ARHGAP20: variants seen among roughly 807,000 people sequenced by gnomAD.
ARHGAP20 encodes Rho GTPase activating protein 20.
Under a neutral mutation model 73.7 loss-of-function variants are expected in ARHGAP20, and 34 were observed. The ratio of observed to expected loss-of-function variants is 0.46; its 90% CI spans 0.35 to 0.61. The LOEUF (loss-of-function observed/expected upper bound fraction) is 0.61, where lower values mean the gene tolerates loss of function less well. Ranked by LOEUF, ARHGAP20 falls within the 20% of genes least tolerant of loss-of-function variation. The probability of loss-of-function intolerance (pLI) is 0.00; values close to 1 mark genes in which losing one functional copy is unlikely to be tolerated. For synonymous variants in ARHGAP20, 523 were observed against 518.2 expected, an observed-to-expected ratio of 1.01 and a Z score of -0.13; for missense variants, 1,314 against 1,420.9, an observed-to-expected ratio of 0.92 and a Z score of 1.21.
At chr11:110,638,472 C>T (rs1949014355) in intron 2 of ARHGAP20, among the ~76,000 whole-genome samples, 1 of 151,834 alleles carries the variant, frequency 6.6e-6, no homozygotes, top group African/African-American at 2.4e-5. Context: ...TAGGAAGTTA[C>T]GGCAGTAGTC....
intron 2 of ARHGAP20, among the ~76,000 whole-genome samples, chr11:110,649,172 T>G (rs897932877): frequency 1.3e-5 from 2 of 151,538 alleles, no homozygotes; most frequent in Admixed American, 1.3e-4. Context: ...TTTTTATACT[T>G]ACTATTGTTT....
At chr11:110,624,626 G>GT (rs35542455) in intron 3 of ARHGAP20, among the ~76,000 whole-genome samples, 27,064 of 146,974 alleles carry the variant, frequency 0.18, 3,116 homozygotes, top group African/African-American at 0.34. Flanking sequence ...CATGTATCCT[G>GT]TTTTTTTTTT....
chr11:110,710,275 A>G (rs907527898), intron 1 of ARHGAP20, among the ~76,000 whole-genome samples: 2 of 152,352 alleles, frequency 1.3e-5, no homozygotes, highest in East Asian at 1.9e-4. Flanking sequence ...GTTAAGTTTC[A>G]TAACAAACGA....
At position 110,583,563 on chromosome 11, in the gene ARHGAP20, G is replaced by A. The variant is rs200705132; in HGVS notation, c.1590C>T (p.Asn530=). Residue 530 remains asparagine, a synonymous_variant, in exon 13 of 15, where the codon AAC becomes AAT. Transcript: ENST00000683387. ...PPASSSPELE[N]EFTKKVSLLI... ...ACTTCATTACCTTTTTTGTAAATTC[G>A]TTTTCTAGTTCTGGGCTGGAGGAAG... 1.0e-5 allele frequency: 16 copies of A among 1,595,702 alleles called. No individual in the cohort carries two copies. The highest frequency in any genetic ancestry group is 1.7e-5 in the Admixed American group (1 of 57,446).
intron 4 of ARHGAP20, among the ~76,000 whole-genome samples, chr11:110,621,042 A>G (rs1340360897): frequency 7.6e-6 from 1 of 132,060 alleles, no homozygotes; most frequent in African/African-American, 2.8e-5. Context: ...CTATTGCACT[A>G]CGGCTTGGGC....
intron 4 of ARHGAP20, among the ~76,000 whole-genome samples, chr11:110,617,189 A>AT (rs1948502648): frequency 6.6e-6 from 1 of 151,948 alleles, no homozygotes; most frequent in African/African-American, 2.4e-5. Flanking sequence ...TTCTTTCAAC[A>AT]TTATGTTTAA....
intron 2 of ARHGAP20, among the ~76,000 whole-genome samples, chr11:110,681,955 C>A (rs1950045077): frequency 6.6e-6 from 1 of 152,152 alleles, no homozygotes; most frequent in Non-Finnish European, 1.5e-5. Flanking sequence ...GCAGGTCAAT[C>A]CTCCATGGTT....
At chr11:110,708,446 C>T (rs1445214838) in intron 1 of ARHGAP20, among the ~76,000 whole-genome samples, 1 of 139,572 alleles carries the variant, frequency 7.2e-6, no homozygotes, top group Admixed American at 6.9e-5. Flanking sequence ...TGAATGTTCA[C>T]AGCAGTTTTG....
chr11:110,690,757 C>A (rs988906799), intron 1 of ARHGAP20, 128 bp from the exon 2 acceptor site: 1 of 939,050 alleles, frequency 1.1e-6, no homozygotes, highest in South Asian at 1.6e-5. Flanking sequence ...CCTACAGTTT[C>A]ATTATGGAGA....
chr11:110,653,618 T>C (rs1325188868), intron 2 of ARHGAP20, among the ~76,000 whole-genome samples: 1 of 152,174 alleles, frequency 6.6e-6, no homozygotes, highest in African/African-American at 2.4e-5. Context: ...TTTTACACTG[T>C]TGGTGGGAAT....
chr11:110,667,687 G>T (rs1427974895), intron 2 of ARHGAP20, among the ~76,000 whole-genome samples: 1 of 152,126 alleles, frequency 6.6e-6, no homozygotes, highest in Non-Finnish European at 1.5e-5. Context: ...TTCTGAAAAG[G>T]ATTCACCATT....
At chr11:110,652,556 A>T (rs1447276556) in intron 2 of ARHGAP20, among the ~76,000 whole-genome samples, 1 of 152,186 alleles carries the variant, frequency 6.6e-6, no homozygotes, top group African/African-American at 2.4e-5. Flanking sequence ...TATAAAATAA[A>T]TATGCAAAAA....
chr11:110,674,589 C>T (rs1949895031), intron 2 of ARHGAP20, among the ~76,000 whole-genome samples: 1 of 152,096 alleles, frequency 6.6e-6, no homozygotes, highest in African/African-American at 2.4e-5. Flanking sequence ...ATATATAAAA[C>T]ATAAATGAAT....
intron 6 of ARHGAP20, among the ~76,000 whole-genome samples, 178 bp from the exon 7 acceptor site, chr11:110,611,564 T>C (rs1050941374): frequency 3.3e-5 from 5 of 152,200 alleles, no homozygotes; most frequent in African/African-American, 4.8e-5. Flanking sequence ...CATTCCCTTA[T>C]AAATTATGCC....
At position 110,580,511 on chromosome 11, in the gene ARHGAP20, T is replaced by G; in HGVS notation, c.2435A>C (p.Gln812Pro). 1 of 1,614,194 alleles carries G rather than the reference T, an allele frequency of 6.2e-7. No homozygotes were observed. Among genetic ancestry groups the G allele is most frequent in the Non-Finnish European group, 8.5e-7 (1 of 1,180,036 alleles). The change falls in exon 15 of 15, where the codon CAG (glutamine) becomes CCG (proline). Residue 812 changes from glutamine to proline, a missense_variant. Physicochemically the swap from Gln to Pro is moderately conservative, Grantham distance 76. Around this residue, in one of 3 missense-constraint regions of ARHGAP20, gnomAD observed 641 missense variants for 636.9 expected, o/e 1.01. Coordinates refer to ENST00000683387, the MANE Select transcript of ARHGAP20 (RefSeq NM_001384657.1). ...AAAGGGCTGGTTCTTGGAATGATCC[T>G]GTGAGGACATAGGACTATAAGATGC... is the stretch of plus-strand genomic sequence containing the variant. The part of the protein sequence containing the change: ...SVASYSPMSS[Q>P]DHSKNQPFDV...
At chr11:110,591,891 T>A in intron 10 of ARHGAP20, 86 bp downstream of exon 10, 1 of 1,394,864 alleles carries the variant, frequency 7.2e-7, no homozygotes, top group Non-Finnish European at 9.8e-7. Context: ...TCTATAATTT[T>A]TCCATTTGGG....
intron 12 of ARHGAP20, among the ~76,000 whole-genome samples, chr11:110,585,234 A>ACAAAATATTTCACGTGTTTATATTTG (rs1220729343): frequency 6.6e-6 from 1 of 151,698 alleles, no homozygotes; most frequent in Non-Finnish European, 1.5e-5. Flanking sequence ...AACGATTTAA[A>ACAAAATATTTCACGTGTTTATATTTG]CAAAATATTT....
At chr11:110,655,946 TATTTTCTC>T (rs1949457123) in intron 2 of ARHGAP20, among the ~76,000 whole-genome samples, 1 of 152,162 alleles carries the variant, frequency 6.6e-6, no homozygotes, top group Admixed American at 6.5e-5. Flanking sequence ...TGTCCTAGTT[TATTTTCTC>T]ATACGAGACA....
intron 2 of ARHGAP20, among the ~76,000 whole-genome samples, chr11:110,680,422 T>G (rs1183661143): frequency 6.6e-6 from 1 of 152,068 alleles, no homozygotes; most frequent in Non-Finnish European, 1.5e-5. Context: ...ATGCCAAAAC[T>G]CTGAGAAATC....
Sources: gnomAD v4.1 joint callset for allele counts (sites outside exome capture counted in the v4.1 genomes callset) on GRCh38, gnomAD v4.1.1 for gene constraint, gnomAD v4.1.1 regional missense constraint, MANE v1.5 for transcripts, NCBI Gene and HGNC (gene_info 2026-07-23, HGNC 2026-07-21) for gene names.